Variants in AUTS2 observed in about 807,000 individuals in gnomAD.
AUTS2 encodes the protein autism susceptibility gene 2 protein.
A neutral mutation model predicts 112.4 loss-of-function variants in AUTS2; 17 were observed. The ratio of observed to expected loss-of-function variants is 0.15; its 90% CI spans 0.10 to 0.23. The LOEUF is 0.23. Ranked by LOEUF, AUTS2 falls within the 10% of genes least tolerant of loss-of-function variation. The probability of loss-of-function intolerance (pLI) is 1.00; values close to 1 mark genes in which losing one functional copy is unlikely to be tolerated. For synonymous variants in AUTS2, 751 were observed against 702.7 expected (o/e 1.07, Z -1.09); for missense variants, 1,510 against 1,701.6 (o/e 0.89, Z 1.98).
chr7:70,544,476 C>CT (rs1476051212), intron 5 of AUTS2, among the ~76,000 whole-genome samples: 1 of 152,090 alleles, frequency 6.6e-6, no homozygotes, highest in Non-Finnish European at 1.5e-5. Flanking sequence ...AGAGCTCTTC[C>CT]TGGTGACCAT....
intron 1 of AUTS2, among the ~76,000 whole-genome samples, chr7:69,704,556 A>G (rs1007179178): frequency 1.9e-4 from 29 of 152,152 alleles, no homozygotes; most frequent in African/African-American, 6.5e-4. Flanking sequence ...GGCATGAGCC[A>G]CGGCACCCGG....
intron 5 of AUTS2, among the ~76,000 whole-genome samples, chr7:70,600,299 G>A (rs1356390053): frequency 3.3e-5 from 5 of 151,940 alleles, no homozygotes; most frequent in African/African-American, 4.8e-5. Context: ...TTTTTGAGAC[G>A]AAGTCTTGCT....
At chr7:70,776,563 G>C (rs769515450) in intron 13 of AUTS2, 2 of 158,544 alleles carry the variant, frequency 1.3e-5, no homozygotes, top group Non-Finnish European at 2.7e-5. Context: ...TAGCATTTAC[G>C]GTAACTGGGC....
chr7:69,879,410 A>G (rs1793945263), intron 1 of AUTS2, among the ~76,000 whole-genome samples: 1 of 151,080 alleles, frequency 6.6e-6, no homozygotes, highest in Non-Finnish European at 1.5e-5. Flanking sequence ...TCAGCCTCCC[A>G]AAGTGGTGGG....
At chr7:70,350,238 AT>A (rs1242000343) in intron 4 of AUTS2, among the ~76,000 whole-genome samples, 1 of 152,162 alleles carries the variant, frequency 6.6e-6, no homozygotes, top group Non-Finnish European at 1.5e-5. Context: ...TTTTTATGGT[AT>A]GAATTTAAGA....
At chr7:70,693,880 G>C (rs1053667741) in intron 5 of AUTS2, among the ~76,000 whole-genome samples, 5 of 152,048 alleles carry the variant, frequency 3.3e-5, no homozygotes, top group African/African-American at 1.2e-4. Context: ...CTCGAGCCGC[G>C]GGGGGAGCAA....
chr7:69,648,988 A>G (rs1203274850), intron 1 of AUTS2, among the ~76,000 whole-genome samples: 1 of 152,206 alleles, frequency 6.6e-6, no homozygotes, highest in Non-Finnish European at 1.5e-5. Context: ...AATCACTCCA[A>G]GATGGTTAAG....
intron 2 of AUTS2, among the ~76,000 whole-genome samples, chr7:70,100,741 A>G (rs1804443039): frequency 6.6e-6 from 1 of 152,182 alleles, no homozygotes; most frequent in African/African-American, 2.4e-5. Context: ...AGCAAATGAC[A>G]TTGGGCCAAA....
intron 5 of AUTS2, among the ~76,000 whole-genome samples, chr7:70,510,577 A>G (rs748141625): frequency 9.2e-5 from 14 of 152,334 alleles, no homozygotes; most frequent in East Asian, 5.8e-4. Context: ...CTCACTTACT[A>G]TCATTCTCTC....
At chr7:70,296,399 G>A (rs557665792) in intron 4 of AUTS2, among the ~76,000 whole-genome samples, 48 of 152,236 alleles carry the variant, frequency 3.2e-4, no homozygotes, top group South Asian at 2.1e-4. Flanking sequence ...GAAAACACAC[G>A]AAATACAATG....
chr7:70,391,233 C>T (rs1321108953), intron 4 of AUTS2, among the ~76,000 whole-genome samples: 2 of 152,148 alleles, frequency 1.3e-5, no homozygotes, highest in Admixed American at 6.6e-5. Flanking sequence ...TCACTGTCCT[C>T]AGCAAATATG....
chr7:70,322,613 T>C (rs1401142970), intron 4 of AUTS2, among the ~76,000 whole-genome samples: 1 of 152,168 alleles, frequency 6.6e-6, no homozygotes, highest in Admixed American at 6.5e-5. Flanking sequence ...TCTCTGCTGG[T>C]GAGTATTTAA....
intron 2 of AUTS2, among the ~76,000 whole-genome samples, chr7:69,970,487 G>A (rs537106916): frequency 6.6e-6 from 1 of 152,168 alleles, no homozygotes; most frequent in Non-Finnish European, 1.5e-5. Flanking sequence ...GCACAGCTAA[G>A]GCATCCCTAT....
chr7:69,821,895 G>A (rs1293337303), intron 1 of AUTS2, among the ~76,000 whole-genome samples: 6 of 137,690 alleles, frequency 4.4e-5, no homozygotes, highest in African/African-American at 1.4e-4. Flanking sequence ...CAGCCTGGGC[G>A]ATAGAGTGAG....
chr7:69,691,244 G>A (rs1797331060), intron 1 of AUTS2, among the ~76,000 whole-genome samples: 5 of 152,144 alleles, frequency 3.3e-5, no homozygotes, highest in Admixed American at 3.3e-4. Flanking sequence ...GGAACTGGCA[G>A]CCTGGCCCCT....
At chr7:70,668,132 A>G (rs906794859) in intron 5 of AUTS2, among the ~76,000 whole-genome samples, 18 of 152,228 alleles carry the variant, frequency 1.2e-4, no homozygotes, top group Admixed American at 1.2e-3. Context: ...GGTGTGTGCC[A>G]CCACGCCCAA....
intron 4 of AUTS2, among the ~76,000 whole-genome samples, chr7:70,356,395 CATTTTATTGCCT>C (rs1792010491): frequency 1.3e-5 from 2 of 152,184 alleles, no homozygotes; most frequent in South Asian, 4.1e-4. Flanking sequence ...TTTAATAATA[CATTTTATTGCCT>C]ATTAAAATGT....
chr7:69,974,709 A>G (rs1199877950), intron 2 of AUTS2, among the ~76,000 whole-genome samples: 5 of 152,188 alleles, frequency 3.3e-5, no homozygotes, highest in African/African-American at 4.8e-5. Context: ...CAAATAGGGC[A>G]TCTTCTTTAA....
At chr7:69,804,122 T>C (rs1790201555) in intron 1 of AUTS2, among the ~76,000 whole-genome samples, 2 of 152,174 alleles carry the variant, frequency 1.3e-5, no homozygotes. Context: ...AAAATGTAGA[T>C]TGTGATGTCC....
Sources: gnomAD v4.1 joint callset for allele counts (sites outside exome capture counted in the v4.1 genomes callset) on GRCh38, gnomAD v4.1.1 for gene constraint, MANE v1.5 for transcripts, NCBI Gene and HGNC (gene_info 2026-07-23, HGNC 2026-07-21) for gene names.